TBC1D8: variants seen among roughly 807,000 people sequenced by gnomAD.
The protein encoded by TBC1D8 is BUB2-like protein 1.
A neutral mutation model predicts 118.8 loss-of-function variants in TBC1D8; 65 were observed. The observed-to-expected ratio is 0.55, with a 90% CI of 0.45 to 0.67. TBC1D8 has a LOEUF of 0.67. Ranked by LOEUF, TBC1D8 falls within the 30% of genes least tolerant of loss-of-function variation. TBC1D8 has a pLI of 0.00. For missense variants in TBC1D8, 1,376 were observed against 1,471.2 expected, an observed-to-expected ratio of 0.94 and a Z score of 1.06; for synonymous variants, 566 against 595.8, an observed-to-expected ratio of 0.95 and a Z score of 0.73.
rs749503181 is a variant in TBC1D8, at chr2:101,038,588, C to T, written c.1148G>A (p.Ser383Asn). 8 of 1,613,962 alleles carry T rather than the reference C, an allele frequency of 5.0e-6. No homozygotes were observed. The highest frequency in any genetic ancestry group is 6.8e-6 in the Non-Finnish European group (8 of 1,179,902). Reference sequence around the variant, plus strand: ...CTCAATGAACTGGAAGGCCACCTTGCTTCTGATACTGACAATGATGGGATG... The same window carrying T: ...CTCAATGAACTGGAAGGCCACCTTGTTTCTGATACTGACAATGATGGGATG... ...LPHPIIVSIR[S>N]KVAFQFIELR... is the part of the protein sequence containing the mutation. Residue 383 changes from serine (S) to asparagine (N), a missense_variant, in exon 7 of 20, where the codon AGC (serine) becomes AAC (asparagine). By Grantham distance (46) the Ser-to-Asn change is conservative (BLOSUM62 1). Transcript: ENST00000409318.
intron 2 of TBC1D8, among the ~76,000 whole-genome samples, chr2:101,084,623 G>A (rs1481952344): frequency 6.6e-6 from 1 of 151,992 alleles, no homozygotes; most frequent in Non-Finnish European, 1.5e-5. Context: ...CTTTTCTCTC[G>A]GGCCTCCCTA....
intron 1 of TBC1D8, among the ~76,000 whole-genome samples, chr2:101,118,513 G>A (rs886258287): frequency 2.2e-4 from 33 of 150,802 alleles, no homozygotes; most frequent in South Asian, 1.1e-3. Flanking sequence ...TGGCTAACAC[G>A]GTGAAACCCT....
chr2:101,051,490 G>A (rs958232607), intron 4 of TBC1D8, among the ~76,000 whole-genome samples: 4 of 152,074 alleles, frequency 2.6e-5, no homozygotes, highest in Non-Finnish European at 4.4e-5. Flanking sequence ...TCTGCACAGC[G>A]AAAGAAACTA....
intron 16 of TBC1D8, 44 bp from the exon 17 acceptor site, chr2:101,021,790 G>T (rs1389350135): frequency 7.8e-7 from 1 of 1,282,128 alleles, no homozygotes. Context: ...AATGCTGAAA[G>T]TCCATTTGTC....
At chr2:101,036,791 G>T (rs1681040352) in intron 8 of TBC1D8, among the ~76,000 whole-genome samples, 1 of 152,154 alleles carries the variant, frequency 6.6e-6, no homozygotes, top group South Asian at 2.1e-4. Flanking sequence ...TTAATTATCT[G>T]TATTCTCCAG....
At chr2:101,133,991 G>C (rs1334982130) in intron 1 of TBC1D8, among the ~76,000 whole-genome samples, 2 of 152,100 alleles carry the variant, frequency 1.3e-5, no homozygotes, top group African/African-American at 2.4e-5. Flanking sequence ...CATGAGAACA[G>C]CATGGAGGAA....
chr2:101,150,458 T>A (rs886586029), intron 1 of TBC1D8, among the ~76,000 whole-genome samples: 2 of 152,170 alleles, frequency 1.3e-5, no homozygotes, highest in African/African-American at 4.8e-5. Flanking sequence ...AACAAAACTT[T>A]TAGAAAAAAA....
At chr2:101,141,807 A>G (rs1011021764) in intron 1 of TBC1D8, among the ~76,000 whole-genome samples, 61 of 151,502 alleles carry the variant, frequency 4.0e-4, no homozygotes, top group African/African-American at 1.3e-3. Flanking sequence ...AGGCGCGCAC[A>G]CACACACACA....
chr2:101,016,334 C>T (rs2105368766), intron 17 of TBC1D8, among the ~76,000 whole-genome samples: 1 of 151,632 alleles, frequency 6.6e-6, no homozygotes, highest in South Asian at 2.1e-4. Flanking sequence ...TGCTCATCAT[C>T]ACTGGCCATC....
intron 1 of TBC1D8, among the ~76,000 whole-genome samples, chr2:101,110,143 A>G (rs1176790933): frequency 2.6e-4 from 40 of 152,256 alleles, no homozygotes; most frequent in Non-Finnish European, 1.5e-4. Flanking sequence ...TTTGCTTCTA[A>G]GCAATAGTGC....
intron 1 of TBC1D8, among the ~76,000 whole-genome samples, chr2:101,094,709 C>G (rs1558696104): frequency 6.6e-6 from 1 of 152,134 alleles, no homozygotes; most frequent in Non-Finnish European, 1.5e-5. Flanking sequence ...GCCCCTTCAA[C>G]TGGTGGGAAA....
intron 2 of TBC1D8, among the ~76,000 whole-genome samples, chr2:101,085,124 T>C (rs1199374387): frequency 9.9e-5 from 15 of 152,090 alleles, no homozygotes; most frequent in African/African-American, 3.6e-4. Flanking sequence ...GTGCTGGGAT[T>C]ACAGGTGTGA....
chr2:101,050,368 G>C, intron 5 of TBC1D8, 33 bp downstream of exon 5: 5 of 1,598,404 alleles, frequency 3.1e-6, no homozygotes, highest in Non-Finnish European at 4.3e-6. Flanking sequence ...TCCCCCGTGC[G>C]GGTGGGAGAC....
chr2:101,008,295 G>A (rs766337418), intron 19 of TBC1D8, 22 bp from the exon 20 acceptor site: 2 of 1,495,316 alleles, frequency 1.3e-6, no homozygotes, highest in Non-Finnish European at 1.8e-6. Context: ...ATAAGTCTTA[G>A]GTAGCAGCAG....
At chr2:101,110,124 T>G in intron 1 of TBC1D8, 1 of 591,686 alleles carries the variant, frequency 1.7e-6, no homozygotes, top group Non-Finnish European at 2.1e-6. Flanking sequence ...AATAGAGGCC[T>G]ACTAATAATT....
intron 1 of TBC1D8, among the ~76,000 whole-genome samples, chr2:101,107,006 C>A (rs188576908): frequency 6.2e-4 from 95 of 152,254 alleles, no homozygotes; most frequent in Non-Finnish European, 1.2e-3. Flanking sequence ...GCATTTTTGA[C>A]GATGATATTT....
At chr2:101,016,494 A>G (rs967062477) in intron 17 of TBC1D8, among the ~76,000 whole-genome samples, 3 of 152,184 alleles carry the variant, frequency 2.0e-5, no homozygotes, top group Admixed American at 6.5e-5. Context: ...AACTAGTTCA[A>G]CCCTTGTGGA....
intron 4 of TBC1D8, among the ~76,000 whole-genome samples, chr2:101,052,604 G>A (rs1489133885): frequency 6.6e-6 from 1 of 151,454 alleles, no homozygotes; most frequent in Non-Finnish European, 1.5e-5. Context: ...AGCCTCCCAA[G>A]TAACTGGGAC....
chr2:101,035,965 C>T lies in TBC1D8; in HGVS notation c.1603+53G>A, dbSNP rs1680979115. On this transcript the variant is annotated intron_variant, in intron 9 of 19. Transcript: ENST00000409318. ...ACGCGCTGCTCGGGTCCGGGCTGTT[C>T]CTGTGTCCATGACAAAAAGAACAAT... The T allele has an allele frequency of 3.7e-6, 6 of 1,603,946 alleles. No homozygotes were observed. In the Admixed American group the frequency reaches 8.4e-5, roughly 22 times the overall value.
Sources: gnomAD v4.1 joint callset for allele counts (sites outside exome capture counted in the v4.1 genomes callset) on GRCh38, gnomAD v4.1.1 for gene constraint, MANE v1.5 for transcripts, NCBI Gene and HGNC (gene_info 2026-07-23, HGNC 2026-07-21) for gene names.